Variants in NARS2 observed in about 807,000 individuals in gnomAD.
The protein encoded by NARS2 is asparaginyl-tRNA synthetase.
In NARS2, 60 loss-of-function variants were observed where a neutral mutation model predicts 62.9. The observed-to-expected ratio is 0.95, with a 90% CI of 0.77 to 1.18. NARS2 has a LOEUF of 1.18. Ranked by LOEUF, NARS2 falls within the 50% of genes most tolerant of loss-of-function variation. NARS2 has a pLI of 0.00. For missense variants in NARS2, 619 were observed against 576.4 expected (o/e 1.07, Z -0.76); for synonymous variants, 196 against 200.0 (o/e 0.98, Z 0.17).
chr11:78,553,803 T>C (rs1856222072), intron 5 of NARS2, among the ~76,000 whole-genome samples: 1 of 152,232 alleles, frequency 6.6e-6, no homozygotes, highest in Admixed American at 6.5e-5. Flanking sequence ...TTGCTTTTGA[T>C]GTCTGTCATG....
At chr11:78,503,797 GA>G (rs1018437085) in intron 6 of NARS2, among the ~76,000 whole-genome samples, 1 of 152,170 alleles carries the variant, frequency 6.6e-6, no homozygotes. Context: ...AAGAATATAT[GA>G]AAAATCCCTC....
intron 1 of NARS2, chr11:78,571,671 G>C (rs117341758): frequency 2.4e-5 from 10 of 414,494 alleles, no homozygotes; most frequent in Admixed American, 1.9e-4. Context: ...ACAACATTTC[G>C]AATGGATGCC....
chr11:78,557,637 A>G (rs1296612275), intron 5 of NARS2, among the ~76,000 whole-genome samples: 1 of 152,160 alleles, frequency 6.6e-6, no homozygotes, highest in Non-Finnish European at 1.5e-5. Context: ...ATTCAATCCC[A>G]CAAATTCCTT....
At chr11:78,437,480 G>C (rs968077560) in intron 13 of NARS2, among the ~76,000 whole-genome samples, 36 of 152,258 alleles carry the variant, frequency 2.4e-4, no homozygotes, top group African/African-American at 8.7e-4. Flanking sequence ...TGACATGCTA[G>C]ACAGCCTCTG....
At chr11:78,558,869 A>C (rs910404244) in intron 5 of NARS2, among the ~76,000 whole-genome samples, 1 of 152,244 alleles carries the variant, frequency 6.6e-6, no homozygotes, top group Non-Finnish European at 1.5e-5. Flanking sequence ...TTTATATTTT[A>C]AAATATGACT....
At chr11:78,487,185 G>A (rs1158503190) in intron 7 of NARS2, among the ~76,000 whole-genome samples, 1 of 151,714 alleles carries the variant, frequency 6.6e-6, no homozygotes, top group African/African-American at 2.4e-5. Context: ...GTGAAACCCC[G>A]TCTCTGATAA....
intron 4 of NARS2, among the ~76,000 whole-genome samples, chr11:78,561,095 A>AT (rs201222875): frequency 0.025 from 3,854 of 151,518 alleles, 149 homozygotes; most frequent in African/African-American, 0.085. Flanking sequence ...AATAACTGAG[A>AT]TTTTTTTTTA....
chr11:78,544,598 T>C (rs1281722774), intron 5 of NARS2, among the ~76,000 whole-genome samples: 2 of 151,864 alleles, frequency 1.3e-5, no homozygotes, highest in African/African-American at 2.4e-5. Context: ...ATCGAGACCA[T>C]CCTGGCTAAC....
intron 11 of NARS2, among the ~76,000 whole-genome samples, chr11:78,444,547 C>T (rs184690766): frequency 1.3e-5 from 2 of 151,978 alleles, no homozygotes; most frequent in East Asian, 3.9e-4. Flanking sequence ...GTACAACCCC[C>T]GTCTCTACTA....
rs75273736 is a variant in NARS2 at position 78,570,144 on chromosome 11, C to T, written c.251+1191G>A. On this transcript the variant is annotated intron_variant, in intron 2 of 13. Transcript: ENST00000281038. Reference sequence around the variant, plus strand: ...GGCAGAGGTTGCAGTGAACCGAGATCATGCCACTACATTCCAGCCTGAGCG... The same window carrying T: ...GGCAGAGGTTGCAGTGAACCGAGATTATGCCACTACATTCCAGCCTGAGCG... Among the ~76,000 whole-genome samples the T allele has an allele frequency of 7.0e-4, 106 of 152,180 alleles. 1 individual carries two copies. The East Asian group carries it at 0.019, about 27-fold the overall frequency.
intron 11 of NARS2, among the ~76,000 whole-genome samples, chr11:78,444,727 C>CAAAGAAA (rs56788561): frequency 1.6e-4 from 15 of 92,416 alleles, no homozygotes; most frequent in East Asian, 1.1e-3. Context: ...TCAAACAAAA[C>CAAAGAAA]AAAAAAAAAA....
At chr11:78,506,945 A>C (rs1179484258) in intron 6 of NARS2, among the ~76,000 whole-genome samples, 1 of 152,194 alleles carries the variant, frequency 6.6e-6, no homozygotes, top group Non-Finnish European at 1.5e-5. Context: ...AGCTCTTAGC[A>C]CAGTAGCAGT....
intron 5 of NARS2, among the ~76,000 whole-genome samples, chr11:78,543,948 T>C (rs1855737186): frequency 1.4e-5 from 2 of 140,552 alleles, no homozygotes; most frequent in African/African-American, 2.7e-5. Context: ...GGAGAATCGC[T>C]TGAACCCGGG....
chr11:78,469,899 T>C (rs1464234529), intron 9 of NARS2, among the ~76,000 whole-genome samples: 1 of 152,128 alleles, frequency 6.6e-6, no homozygotes, highest in Non-Finnish European at 1.5e-5. Flanking sequence ...TTAGATATGA[T>C]GGTCAAGAAA....
chr11:78,558,894 T>C (rs1313803041), intron 5 of NARS2, among the ~76,000 whole-genome samples: 2 of 152,230 alleles, frequency 1.3e-5, no homozygotes, highest in Non-Finnish European at 2.9e-5. Context: ...TCCACAAATA[T>C]TAACTGTGGA....
intron 6 of NARS2, among the ~76,000 whole-genome samples, chr11:78,500,904 C>A (rs1348915880): frequency 6.6e-6 from 1 of 152,082 alleles, no homozygotes; most frequent in Non-Finnish European, 1.5e-5. Context: ...CTAGCCTGGG[C>A]AACATGGTGA....
intron 5 of NARS2, among the ~76,000 whole-genome samples, chr11:78,543,275 G>C (rs1167168592): frequency 1.3e-5 from 2 of 152,156 alleles, no homozygotes; most frequent in Non-Finnish European, 2.9e-5. Context: ...ATCATTTTTT[G>C]AGATCAAAGT....
intron 3 of NARS2, among the ~76,000 whole-genome samples, chr11:78,568,202 T>C (rs2135539022): frequency 6.6e-6 from 1 of 152,340 alleles, no homozygotes; most frequent in South Asian, 2.1e-4. Flanking sequence ...GCACTTGAAA[T>C]GTGGGTAATG....
intron 11 of NARS2, among the ~76,000 whole-genome samples, chr11:78,463,713 C>CAA (rs10649252): frequency 0.64 from 30,601 of 47,938 alleles, 10,827 homozygotes; most frequent in Non-Finnish European, 0.77. Flanking sequence ...TAGTTAAGGT[C>CAA]AAAAAAAAAA....
Sources: allele counts gnomAD v4.1 joint callset (sites outside exome capture counted in the v4.1 genomes callset), GRCh38; gene constraint gnomAD v4.1.1; transcripts MANE v1.5; gene names NCBI Gene and HGNC (gene_info 2026-07-23, HGNC 2026-07-21).